Variants in METTL25 observed in about 807,000 individuals in gnomAD.
METTL25 encodes the protein methyltransferase like 25, also known as probable methyltransferase-like protein 25.
In METTL25, 64 loss-of-function variants were observed where a neutral mutation model predicts 71.6. That is an observed-to-expected ratio of 0.89 (90% CI 0.73 to 1.10). METTL25 has a LOEUF of 1.10. METTL25 is among the 50% of genes least tolerant of loss of function. The pLI is 0.00. For synonymous variants in METTL25, 287 were observed against 250.3 expected (o/e 1.15, Z -1.38); for missense variants, 807 against 707.0 (o/e 1.14, Z -1.60).
intron 1 of METTL25, among the ~76,000 whole-genome samples, chr12:82,382,723 A>T (rs1266537591): frequency 1.3e-5 from 2 of 152,028 alleles, no homozygotes; most frequent in Non-Finnish European, 2.9e-5. Context: ...ATTTCTTAAA[A>T]CTTTTTTTTT....
In METTL25 at chr12:82,449,383, C is replaced by A. The variant is rs139336086; in HGVS notation, c.1479-7344C>A. Among the ~76,000 whole-genome samples the A allele has an allele frequency of 5.3e-5, 8 of 152,312 alleles. No individual in the cohort carries two copies. In the East Asian group the frequency reaches 1.5e-3, roughly 29 times the overall value. On this transcript the variant is annotated intron_variant, in intron 8 of 11. Transcript: ENST00000248306. ...CAGCCTAATCCATCATCCCATTCTT[C>A]CTGTGCACCATGAACAGCTGCCCAT...
At chr12:82,455,473 A>G (rs1891425792) in intron 8 of METTL25, among the ~76,000 whole-genome samples, 1 of 151,922 alleles carries the variant, frequency 6.6e-6, no homozygotes, top group Non-Finnish European at 1.5e-5. Flanking sequence ...GAATGGAAGA[A>G]TCGTAGGGGC....
intron 1 of METTL25, among the ~76,000 whole-genome samples, chr12:82,372,726 G>A (rs1417632394): frequency 1.3e-5 from 2 of 152,114 alleles, no homozygotes; most frequent in African/African-American, 2.4e-5. Context: ...TCAAGGGTGA[G>A]CCTGTTGGTG....
intron 3 of METTL25, among the ~76,000 whole-genome samples, chr12:82,393,296 A>C (rs1205837099): frequency 1.3e-5 from 2 of 151,972 alleles, no homozygotes; most frequent in Non-Finnish European, 2.9e-5. Flanking sequence ...TGTCCTCATC[A>C]ATTTATTTCA....
intron 4 of METTL25, among the ~76,000 whole-genome samples, chr12:82,402,232 A>T (rs17712868): frequency 6.6e-6 from 1 of 151,998 alleles, no homozygotes; most frequent in Admixed American, 6.6e-5. Flanking sequence ...GATGCGGTGT[A>T]TAAACTAAGC....
intron 1 of METTL25, among the ~76,000 whole-genome samples, chr12:82,372,086 C>T (rs1883298225): frequency 6.6e-6 from 1 of 152,160 alleles, no homozygotes; most frequent in South Asian, 2.1e-4. Context: ...GCATTCTTTT[C>T]ATTAAAGGTC....
chr12:82,433,563 G>A (rs1379674258), intron 6 of METTL25, among the ~76,000 whole-genome samples: 1 of 151,612 alleles, frequency 6.6e-6, no homozygotes, highest in Admixed American at 6.6e-5. Context: ...AACTCCACAT[G>A]GTGTGAGGGC....
chr12:82,403,117 A>G lies in METTL25; in HGVS notation c.1266A>G (p.Glu422=). The G allele has an allele frequency of 1.9e-6, 3 of 1,611,916 alleles. No individual in the cohort carries two copies. Among genetic ancestry groups the G allele is most frequent in the Non-Finnish European group, 2.5e-6 (3 of 1,179,076 alleles). ...CCYHLLSEEF[E]NQHKERTQEK... The stretch of plus-strand genomic sequence containing the variant: ...ACCACCTCTTATCTGAAGAATTTGA[A>G]AACCAGCATAAAGGTACAAGTTCCC... The change falls in exon 5 of 12, where the codon GAA becomes GAG. Residue 422 remains glutamate, a synonymous_variant. Coordinates refer to ENST00000248306, the MANE Select transcript of METTL25 (RefSeq NM_032230.3).
intron 8 of METTL25, among the ~76,000 whole-genome samples, chr12:82,439,462 T>A (rs1016310614): frequency 6.6e-6 from 1 of 151,840 alleles, no homozygotes; most frequent in Non-Finnish European, 1.5e-5. Context: ...TATAATAGGA[T>A]TATTCTACAA....
intron 11 of METTL25, 60 bp from the exon 12 acceptor site, chr12:82,478,872 C>A: frequency 7.8e-7 from 1 of 1,278,752 alleles, no homozygotes; most frequent in Non-Finnish European, 1.1e-6. Context: ...TAATCCAACT[C>A]GCGTCTAATT....
intron 5 of METTL25, among the ~76,000 whole-genome samples, chr12:82,407,455 TAGTAAACTGGAA>T (rs1721660926): frequency 6.6e-6 from 1 of 152,164 alleles, no homozygotes; most frequent in Non-Finnish European, 1.5e-5. Context: ...CCTATAGGAA[TAGTAAACTGGAA>T]AGGCCTTCCT....
chr12:82,438,030 C>T (rs1040760914), intron 7 of METTL25, among the ~76,000 whole-genome samples: 2 of 151,608 alleles, frequency 1.3e-5, no homozygotes, highest in Middle Eastern at 3.2e-3. Context: ...TTACTTTCTG[C>T]TCTTTTAAAA....
chr12:82,446,433 C>T (rs546821529), intron 8 of METTL25, among the ~76,000 whole-genome samples: 1 of 152,000 alleles, frequency 6.6e-6, no homozygotes, highest in East Asian at 1.9e-4. Flanking sequence ...AAACAAGTCT[C>T]AACCAATTCA....
chr12:82,448,521 A>G (rs1222154444), intron 8 of METTL25, among the ~76,000 whole-genome samples: 1 of 152,002 alleles, frequency 6.6e-6, no homozygotes. Flanking sequence ...GGAAAATCCA[A>G]TTTGTACACT....
chr12:82,469,581 CGTG>C (rs796939548), intron 9 of METTL25, among the ~76,000 whole-genome samples: 2 of 151,856 alleles, frequency 1.3e-5, no homozygotes, highest in South Asian at 2.1e-4. Flanking sequence ...TCCCAGGACA[CGTG>C]GGGATTATGG....
intron 9 of METTL25, among the ~76,000 whole-genome samples, chr12:82,466,884 C>T (rs1027927861): frequency 6.6e-6 from 1 of 151,920 alleles, no homozygotes; most frequent in African/African-American, 2.4e-5. Context: ...CTATTTTGCC[C>T]AATCTACTCC....
intron 7 of METTL25, among the ~76,000 whole-genome samples, chr12:82,435,203 C>T (rs1251747827): frequency 6.6e-6 from 1 of 151,338 alleles, no homozygotes; most frequent in Non-Finnish European, 1.5e-5. Flanking sequence ...CCCCAAATAT[C>T]CATGTAATTG....
intron 3 of METTL25, among the ~76,000 whole-genome samples, chr12:82,397,146 A>G (rs1363525789): frequency 6.6e-6 from 1 of 152,054 alleles, no homozygotes; most frequent in Non-Finnish European, 1.5e-5. Flanking sequence ...TGTAAAGTAT[A>G]TTTAACTTTA....
At chr12:82,438,817 A>G (rs1890119228) in intron 8 of METTL25, 26 bp downstream of exon 8, 1 of 1,494,826 alleles carries the variant, frequency 6.7e-7, no homozygotes, top group Non-Finnish European at 9.1e-7. Flanking sequence ...TTTAATAAGA[A>G]TAACTATGTT....
Sources: gnomAD v4.1 joint callset for allele counts (sites outside exome capture counted in the v4.1 genomes callset) on GRCh38, gnomAD v4.1.1 for gene constraint, MANE v1.5 for transcripts, NCBI Gene and HGNC (gene_info 2026-07-23, HGNC 2026-07-21) for gene names.